The following CELF2 variants were observed in gnomAD, a reference collection of about 807,000 sequenced individuals.
CELF2 encodes CUG triplet repeat RNA-binding protein 2.
In CELF2, 8 loss-of-function variants were observed where a neutral mutation model predicts 62.6. The ratio of observed to expected loss-of-function variants is 0.13; its 90% CI spans 0.07 to 0.23. The LOEUF (loss-of-function observed/expected upper bound fraction) is 0.23. Among genes scored for constraint, CELF2 ranks in the 10% least tolerant of loss-of-function variants. CELF2 has a pLI of 1.00. For missense variants in CELF2, 333 were observed against 671.0 expected (o/e 0.50, Z 5.56); for synonymous variants, 258 against 250.0 (o/e 1.03, Z -0.30).
At chr10:10,797,005 C>A, upstream of CELF2, 3 of 431,190 alleles carry the variant, frequency 7.0e-6, no homozygotes, top group Non-Finnish European at 9.3e-6. Flanking sequence ...AAAGAGAAAA[C>A]AAATCTAAAC....
chr10:10,838,541 T>G (rs1347529767), intron 1 of CELF2, among the ~76,000 whole-genome samples: 1 of 152,206 alleles, frequency 6.6e-6, no homozygotes, highest in Non-Finnish European at 1.5e-5. Flanking sequence ...CGTTTCCCAT[T>G]TATTTAGGTA....
chr10:10,705,224 T>A, the CELF2 span, among the ~76,000 whole-genome samples: 1 of 152,122 alleles, frequency 6.6e-6, no homozygotes, highest in South Asian at 2.1e-4. Context: ...CTCCTATTCA[T>A]CCTACCATAC....
chr10:10,588,373 C>T, the CELF2 span, among the ~76,000 whole-genome samples: 1 of 152,178 alleles, frequency 6.6e-6, no homozygotes, highest in Admixed American at 6.5e-5. Context: ...GGCTGAGAGA[C>T]CCTAAAGCTG....
the CELF2 span, among the ~76,000 whole-genome samples, chr10:10,748,035 G>A: frequency 6.6e-6 from 1 of 152,202 alleles, no homozygotes; most frequent in Non-Finnish European, 1.5e-5. Context: ...TGCACTCATG[G>A]AGGAAGAGTG....
intron 2 of CELF2, among the ~76,000 whole-genome samples, chr10:10,930,265 G>T (rs1370808846): frequency 6.6e-6 from 1 of 152,172 alleles, no homozygotes; most frequent in African/African-American, 2.4e-5. Flanking sequence ...ACATGATAAA[G>T]AAATTATACT....
At chr10:11,197,646 G>A (rs1001262903) in intron 2 of CELF2, among the ~76,000 whole-genome samples, 25 of 152,228 alleles carry the variant, frequency 1.6e-4, no homozygotes, top group African/African-American at 5.1e-4. Flanking sequence ...CGCCTGATCC[G>A]CTGAACAGAA....
At chr10:10,547,689 G>GAC in the CELF2 span, among the ~76,000 whole-genome samples, 1 of 137,468 alleles carries the variant, frequency 7.3e-6, no homozygotes, top group African/African-American at 2.7e-5. Context: ...GAGAGAGAGA[G>GAC]AGAGTGTGTG....
chr10:10,522,201 G>A, the CELF2 span, among the ~76,000 whole-genome samples: 13 of 152,190 alleles, frequency 8.5e-5, no homozygotes, highest in East Asian at 5.8e-4. Flanking sequence ...AAAATACTTC[G>A]AAGTATTCTA....
the CELF2 span, among the ~76,000 whole-genome samples, chr10:10,657,697 G>T: frequency 6.6e-6 from 1 of 152,098 alleles, no homozygotes; most frequent in Admixed American, 6.5e-5. Flanking sequence ...TGTTATTAAG[G>T]AGGGGCCCAA....
chr10:11,126,974 G>A (rs1397064018), intron 1 of CELF2, among the ~76,000 whole-genome samples: 2 of 151,588 alleles, frequency 1.3e-5, no homozygotes. Context: ...GTATAGATGT[G>A]CCATGTTCGT....
intron 2 of CELF2, among the ~76,000 whole-genome samples, chr10:10,999,374 TAATAAGTA>T (rs2054292033): frequency 6.6e-6 from 1 of 152,328 alleles, no homozygotes; most frequent in African/African-American, 2.4e-5. Flanking sequence ...ACAAACAAGT[TAATAAGTA>T]AATAACTTAG....
At chr10:11,106,292 A>G (rs974424700) in intron 1 of CELF2, among the ~76,000 whole-genome samples, 3 of 151,252 alleles carry the variant, frequency 2.0e-5, no homozygotes, top group African/African-American at 7.3e-5. Context: ...TGAACAGTGC[A>G]GTGGCATGAT....
At chr10:10,781,579 A>G in the CELF2 span, among the ~76,000 whole-genome samples, 1 of 152,180 alleles carries the variant, frequency 6.6e-6, no homozygotes, top group African/African-American at 2.4e-5. Flanking sequence ...TGAGAACAGC[A>G]CAAGAAAAAC....
chr10:10,915,039 G>C (rs1313153609), intron 1 of CELF2, among the ~76,000 whole-genome samples: 1 of 151,070 alleles, frequency 6.6e-6, no homozygotes, highest in African/African-American at 2.4e-5. Context: ...GACTGAGGCA[G>C]AAGAAACACT....
chr10:11,005,021 G>A (rs2054943938), upstream of CELF2: 1 of 982,054 alleles, frequency 1.0e-6, no homozygotes, highest in African/African-American at 1.7e-5. The surrounding 1 kb of genome is among the most constrained non-coding windows in gnomAD (Gnocchi z 4.3). Flanking sequence ...CTTGGTTGTT[G>A]TTTTTTTTGT....
At chr10:10,599,725 C>CTTTTTTTTTTTTTTTTTTTTTTTTT in the CELF2 span, among the ~76,000 whole-genome samples, 1 of 134,558 alleles carries the variant, frequency 7.4e-6, no homozygotes, top group Non-Finnish European at 1.6e-5. Flanking sequence ...TTCTTTCTTT[C>CTTTTTTTTTTTTTTTTTTTTTTTTT]TTTTTTTTTT....
Position 11,332,706 on chromosome 10 carries a change from A to T in CELF2, c.*3653A>T, listed in dbSNP as rs1359895098. 6.6e-6 allele frequency: 1 copy of T among 151,814 alleles called. No homozygotes were observed. Among genetic ancestry groups the T allele is most frequent in the Non-Finnish European group, 1.5e-5 (1 of 68,052 alleles). The allele number at this position is 151,814 out of a possible 1,614,324, so 9.4% of individuals were successfully genotyped here. A position where few individuals can be genotyped will look rare whatever the true frequency, so the allele number is the denominator to read the frequency against. Reference sequence around the variant, plus strand: ...GTTAGGATCAGTGTGTGTGGATGGGATAGCCCTGGGATGGAAAGGACTAGC... The same window carrying T: ...GTTAGGATCAGTGTGTGTGGATGGGTTAGCCCTGGGATGGAAAGGACTAGC... On this transcript the variant is annotated 3_prime_UTR_variant, in exon 13 of 13. Coordinates refer to ENST00000633077, the MANE Select transcript of CELF2 (RefSeq NM_001326342.2).
At chr10:10,569,894 C>T in the CELF2 span, among the ~76,000 whole-genome samples, 1 of 152,158 alleles carries the variant, frequency 6.6e-6, no homozygotes, top group Non-Finnish European at 1.5e-5. Flanking sequence ...TATGACCTTG[C>T]TACCCAGCAG....
the CELF2 span, among the ~76,000 whole-genome samples, chr10:10,478,684 C>T: frequency 1.3e-5 from 2 of 152,138 alleles, no homozygotes; most frequent in Non-Finnish European, 2.9e-5. Flanking sequence ...GATGAAGCTA[C>T]CCATGCAGGG....
Sources: gnomAD v4.1 joint callset for allele counts (sites outside exome capture counted in the v4.1 genomes callset) on GRCh38, gnomAD v4.1.1 for gene constraint, Gnocchi (gnomAD v3.1) non-coding constraint, MANE v1.5 for transcripts, NCBI Gene and HGNC (gene_info 2026-07-23, HGNC 2026-07-21) for gene names.